DHX35: variants seen among roughly 807,000 people sequenced by gnomAD.
DHX35 encodes probable ATP-dependent RNA helicase DHX35.
DHX35 carries 84 observed loss-of-function variants against 99.6 expected under a neutral mutation model. That is an observed-to-expected ratio of 0.84 (90% CI 0.71 to 1.01). DHX35 has a LOEUF of 1.01. Among genes scored for constraint, DHX35 ranks in the 50% least tolerant of loss-of-function variants. The pLI is 0.00. For missense variants in DHX35, 852 were observed against 888.5 expected (o/e 0.96, Z 0.52); for synonymous variants, 331 against 316.2 (o/e 1.05, Z -0.50).
At chr20:39,030,667 A>C (rs1346253295) in intron 19 of DHX35, 37 bp from the exon 20 acceptor site, 1 of 1,593,262 alleles carries the variant, frequency 6.3e-7, no homozygotes, top group Non-Finnish European at 8.6e-7. Flanking sequence ...ATAAGTATTT[A>C]AAATGTGCTT....
rs138040366 is a variant in DHX35, at chr20:39,034,232, C to T, written c.1982C>T (p.Thr661Ile). 3.7e-6 allele frequency: 6 copies of T among 1,613,986 alleles called. No individual in the cohort carries two copies. The African/African-American group carries it at 8.0e-5, about 22-fold the overall frequency. Residue 661 changes from threonine to isoleucine, a missense_variant, in exon 21 of 22, where the codon ACC becomes ATC. Coordinates refer to ENST00000252011, the MANE Select transcript of DHX35 (RefSeq NM_021931.4). ...GTCATCTATAACGAAGTTATACAGA[C>T]CTCCAAGTACTACATGAGAGATGTG... ...RWVIYNEVIQTSKYYMRDVTA... is the reference protein window; with the variant it reads ...RWVIYNEVIQISKYYMRDVTA...
chr20:38,969,556 T>C (rs1273810771), intron 2 of DHX35, among the ~76,000 whole-genome samples: 2 of 152,172 alleles, frequency 1.3e-5, no homozygotes, highest in East Asian at 1.9e-4. Flanking sequence ...TACCAACATA[T>C]GGCCAATTTT....
rs193287504 is a variant in DHX35, at chr20:39,011,620, C to T, written c.1347+1216C>T. 3.8e-3 allele frequency among the ~76,000 whole-genome samples: 584 copies of T among 152,278 alleles called. 3 individuals carry two copies. The highest frequency in any genetic ancestry group is 4.8e-3 in the Non-Finnish European group (329 of 68,010). On this transcript the variant is annotated intron_variant, in intron 13 of 21. Transcript: ENST00000252011. Reference sequence around the variant, plus strand: ...CCTCCCGAAGTGCTAGGATTATAGGCGTGAGCCACCACCCCCGGCCTCTTT... The same window carrying T: ...CCTCCCGAAGTGCTAGGATTATAGGTGTGAGCCACCACCCCCGGCCTCTTT...
intron 9 of DHX35, among the ~76,000 whole-genome samples, 193 bp downstream of exon 9, chr20:39,002,035 A>G (rs758606069): frequency 2.0e-5 from 3 of 152,230 alleles, no homozygotes; most frequent in African/African-American, 2.4e-5. Context: ...TCACACTGAC[A>G]TGCAAGTTTC....
At chr20:39,012,533 A>ATTTTT (rs753499361) in intron 13 of DHX35, among the ~76,000 whole-genome samples, 3 of 145,292 alleles carry the variant, frequency 2.1e-5, no homozygotes, top group African/African-American at 5.0e-5. Context: ...CTTTACACTA[A>ATTTTT]TTTTTTTTTT....
intron 21 of DHX35, among the ~76,000 whole-genome samples, chr20:39,035,281 AG>A (rs1232710179): frequency 1.4e-4 from 21 of 152,234 alleles, no homozygotes; most frequent in South Asian, 6.2e-4. Flanking sequence ...CATATTGGCC[AG>A]GCTGGTCTTG....
chr20:38,972,104 G>C (rs1011151392), intron 2 of DHX35, among the ~76,000 whole-genome samples: 11 of 149,914 alleles, frequency 7.3e-5, no homozygotes, highest in Non-Finnish European at 1.2e-4. Flanking sequence ...CCCCCGCCTG[G>C]GTTCAAGCAA....
chr20:38,977,751 T>C (rs1009947379), intron 3 of DHX35: 10 of 435,686 alleles, frequency 2.3e-5, no homozygotes, highest in Non-Finnish European at 4.4e-5. Context: ...TACAGAACTT[T>C]TGATATTTTA....
chr20:39,024,370 A>C (rs889849932), intron 17 of DHX35, among the ~76,000 whole-genome samples: 8 of 152,394 alleles, frequency 5.2e-5, no homozygotes, highest in African/African-American at 1.4e-4. Context: ...AAGAAAGGGT[A>C]TAATACTTCA....
At chr20:38,983,524 T>A (rs2086204702) in intron 3 of DHX35, among the ~76,000 whole-genome samples, 175 bp from the exon 4 acceptor site, 1 of 152,198 alleles carries the variant, frequency 6.6e-6, no homozygotes, top group African/African-American at 2.4e-5. Context: ...GTAAATCACC[T>A]AACATTACCA....
At chr20:38,991,406 T>G in intron 5 of DHX35, 48 bp from the exon 6 acceptor site, 1 of 1,537,226 alleles carries the variant, frequency 6.5e-7, no homozygotes, top group Non-Finnish European at 8.9e-7. Flanking sequence ...ACCATTAATA[T>G]GTAGTGTAAG....
At chr20:39,008,857 C>T (rs1347500972) in intron 12 of DHX35, among the ~76,000 whole-genome samples, 3 of 152,204 alleles carry the variant, frequency 2.0e-5, no homozygotes, top group South Asian at 2.1e-4. Context: ...CAAATGGCAA[C>T]ATGCAGCTTC....
chr20:39,026,139 A>G (rs1159398835), intron 18 of DHX35, among the ~76,000 whole-genome samples: 1 of 152,228 alleles, frequency 6.6e-6, no homozygotes, highest in Non-Finnish European at 1.5e-5. Context: ...CAGCACCATT[A>G]GTACTTGGTA....
chr20:38,971,840 T>C (rs533095259), intron 2 of DHX35, among the ~76,000 whole-genome samples: 50 of 152,240 alleles, frequency 3.3e-4, no homozygotes, highest in Non-Finnish European at 6.3e-4. Flanking sequence ...TATTGGAATA[T>C]TTTATGACTG....
intron 3 of DHX35, among the ~76,000 whole-genome samples, chr20:38,974,355 G>A (rs1001173004): frequency 1.3e-5 from 2 of 152,132 alleles, no homozygotes; most frequent in Non-Finnish European, 2.9e-5. Flanking sequence ...TAGCGTTAGG[G>A]TCTGTAGACA....
At position 39,003,924 on chromosome 20, in the gene DHX35, G is replaced by C. The variant is rs892147679; in HGVS notation, c.1011+17G>C. 1.6e-5 allele frequency: 25 copies of C among 1,611,478 alleles called. No homozygotes were observed. The highest frequency in any genetic ancestry group is 2.0e-5 in the Non-Finnish European group (24 of 1,177,810). On this transcript the variant is annotated intron_variant, in intron 11 of 21. Coordinates refer to ENST00000252011, the MANE Select transcript of DHX35 (RefSeq NM_021931.4). Reference sequence around the variant, plus strand: ...GTCAGAAAGGTGAGACTATCCTGATGACCAAGGGTGTTGGCAGCCGTCTAT... The same window carrying C: ...GTCAGAAAGGTGAGACTATCCTGATCACCAAGGGTGTTGGCAGCCGTCTAT...
At chr20:38,968,326 G>A (rs1240057982) in intron 1 of DHX35, among the ~76,000 whole-genome samples, 1 of 152,184 alleles carries the variant, frequency 6.6e-6, no homozygotes, top group Admixed American at 6.5e-5. Context: ...GAAAGCCATG[G>A]CTGCTTTGAG....
chr20:39,010,509 C>G, intron 13 of DHX35, 105 bp downstream of exon 13: 2 of 1,472,138 alleles, frequency 1.4e-6, no homozygotes, highest in East Asian at 2.4e-5. Flanking sequence ...TTTCCCTACT[C>G]AGGTCATGTG....
At chr20:39,032,466 C>CACAG (rs2087071734) in intron 20 of DHX35, among the ~76,000 whole-genome samples, 1 of 152,318 alleles carries the variant, frequency 6.6e-6, no homozygotes, top group East Asian at 1.9e-4. Context: ...GCCACTGTGC[C>CACAG]TGGCCCAGAT....
Sources: gnomAD v4.1 joint callset for allele counts (sites outside exome capture counted in the v4.1 genomes callset) on GRCh38, gnomAD v4.1.1 for gene constraint, MANE v1.5 for transcripts, NCBI Gene and HGNC (gene_info 2026-07-23, HGNC 2026-07-21) for gene names.